Variants in LIPA observed in about 807,000 individuals in gnomAD.
The protein encoded by LIPA is lysosomal acid lipase/cholesteryl ester hydrolase.
Under a neutral mutation model 40.6 loss-of-function variants are expected in LIPA, and 26 were observed. The ratio of observed to expected loss-of-function variants is 0.64; its 90% CI spans 0.47 to 0.89. LIPA has a LOEUF of 0.89. LIPA is among the 40% of genes least tolerant of loss of function. LIPA has a pLI of 0.00. For synonymous variants in LIPA, 188 were observed against 168.4 expected (o/e 1.12, Z -0.90); for missense variants, 455 against 479.6 (o/e 0.95, Z 0.48).
chr10:89,344,088 A>G (rs1843895865), upstream of LIPA, among the ~76,000 whole-genome samples: 1 of 152,238 alleles, frequency 6.6e-6, no homozygotes, highest in Admixed American at 6.5e-5. Context: ...ACCTGGGAAT[A>G]ATAAATTATA....
intron 1 of LIPA, among the ~76,000 whole-genome samples, chr10:89,261,766 A>C (rs1294173502): frequency 6.6e-6 from 1 of 152,182 alleles, no homozygotes; most frequent in Admixed American, 6.5e-5. Flanking sequence ...AGACCTGTGC[A>C]TCTAACACTA....
intron 1 of LIPA, among the ~76,000 whole-genome samples, chr10:89,341,988 G>A (rs1843875384): frequency 6.6e-6 from 1 of 152,178 alleles, no homozygotes; most frequent in Admixed American, 6.5e-5. Context: ...CTGAGGTAAT[G>A]CATATGTTAA....
intron 2 of LIPA, chr10:89,403,458 G>C: frequency 6.2e-7 from 1 of 1,613,614 alleles, no homozygotes; most frequent in Non-Finnish European, 8.5e-7. Context: ...AAAGAAATCT[G>C]ACGTCAATGC....
At chr10:89,306,288 C>T in intron 1 of LIPA, 1 of 1,614,118 alleles carries the variant, frequency 6.2e-7, no homozygotes, top group Non-Finnish European at 8.5e-7. Flanking sequence ...GGCCGACTCT[C>T]AGACGTTCAG....
At chr10:89,339,306 G>T in intron 1 of LIPA, 1 of 1,613,812 alleles carries the variant, frequency 6.2e-7, no homozygotes, top group Non-Finnish European at 8.5e-7. Flanking sequence ...GCCTGAAACT[G>T]CAGAAGATGA....
rs142840336 is a variant in LIPA at position 89,270,819 on chromosome 10, G to A, written c.-1-23170C>T. On this transcript the variant is annotated intron_variant, in intron 1 of 5. Coordinates refer to the LIPA transcript ENST00000282673. Reference sequence around the variant, plus strand: ...GGGAGGCTCTATGGCACCTTTAGCAGGTAAATCACAGAAGATACCCTTAGG... The same window carrying A: ...GGGAGGCTCTATGGCACCTTTAGCAAGTAAATCACAGAAGATACCCTTAGG... Among the ~76,000 whole-genome samples, 387 of 152,304 alleles carry A rather than the reference G, an allele frequency of 2.5e-3. 2 individuals carry two copies. Among genetic ancestry groups the A allele is most frequent in the Non-Finnish European group, 4.3e-3 (290 of 68,024 alleles).
intron 9 of LIPA, 54 bp from the exon 10 acceptor site, chr10:89,215,115 C>A (rs938749075): frequency 7.7e-7 from 1 of 1,304,734 alleles, no homozygotes; most frequent in African/African-American, 1.5e-5. Context: ...TTTTAATTTT[C>A]AAAATCACAA....
rs748422292 is a variant in LIPA, at chr10:89,338,781, T to G, written c.-2+3830A>C. 3.1e-5 allele frequency: 50 copies of G among 1,613,976 alleles called. No individual in the cohort carries two copies. The highest frequency in any genetic ancestry group is 5.0e-5 in the Admixed American group (3 of 60,004). ...TAGAAGATAGAGTGTGTAACCAGATTGAATTTTTAAACACTGAGTTCAAAG... is the reference window on the plus strand; with the variant it reads ...TAGAAGATAGAGTGTGTAACCAGATGGAATTTTTAAACACTGAGTTCAAAG... On this transcript the variant is annotated intron_variant, in intron 1 of 5. Transcript: ENST00000282673.
intron 1 of LIPA, among the ~76,000 whole-genome samples, chr10:89,413,784 C>CAAAAA (rs1564815971): frequency 3.5e-4 from 27 of 76,204 alleles, no homozygotes; most frequent in Admixed American, 9.5e-4. Context: ...AAAAAAAAAC[C>CAAAAA]AAAATCAATG....
intron 2 of LIPA, among the ~76,000 whole-genome samples, chr10:89,408,723 C>G (rs1461915036): frequency 6.6e-6 from 1 of 152,220 alleles, no homozygotes; most frequent in Admixed American, 6.5e-5. Context: ...TTCCATCTCA[C>G]TTAGAGAGAT....
chr10:89,335,952 G>A (rs1467363766), intron 1 of LIPA, among the ~76,000 whole-genome samples: 1 of 152,066 alleles, frequency 6.6e-6, no homozygotes, highest in East Asian at 1.9e-4. Flanking sequence ...TTCATACAGG[G>A]TAGTTAGAAT....
At chr10:89,357,847 T>C (rs1160778917) in intron 2 of LIPA, among the ~76,000 whole-genome samples, 3 of 152,230 alleles carry the variant, frequency 2.0e-5, no homozygotes, top group Non-Finnish European at 4.4e-5. Context: ...AGATTTATCT[T>C]TTCAACAGAT....
intron 1 of LIPA, among the ~76,000 whole-genome samples, chr10:89,290,140 C>G (rs943374295): frequency 1.3e-5 from 2 of 152,154 alleles, no homozygotes; most frequent in Admixed American, 1.3e-4. Flanking sequence ...ACACTAAACC[C>G]TCTTGGACCC....
At chr10:89,402,788 C>G (rs1844454003) in intron 2 of LIPA, 4 of 1,614,162 alleles carry the variant, frequency 2.5e-6, no homozygotes, top group Non-Finnish European at 3.4e-6. Context: ...TTGAAGTGGA[C>G]CCTGAAAACC....
At position 89,358,801 on chromosome 10, in the gene LIPA, G is replaced by A. The variant is rs149836082; in HGVS notation, c.61+53990C>T. 4.8e-3 allele frequency among the ~76,000 whole-genome samples: 728 copies of A among 152,178 alleles called. 2 individuals are homozygous for A. The highest frequency in any genetic ancestry group is 0.017 in the African/African-American group (697 of 41,512). On this transcript the variant is annotated intron_variant, in intron 2 of 8. Coordinates refer to the LIPA transcript ENST00000371837. ...GGTAGAGGGGAGGGAAGATAAAGAG[G>A]GGTTTGTTAATGGGCACAAAAATGT...
chr10:89,307,198 A>C, intron 1 of LIPA: 3 of 1,614,012 alleles, frequency 1.9e-6, no homozygotes, highest in Non-Finnish European at 1.7e-6. Flanking sequence ...TGAAAGACAA[A>C]CTGCAAAAAA....
chr10:89,393,057 A>G (rs1844281102), intron 2 of LIPA: 1 of 988,934 alleles, frequency 1.0e-6, no homozygotes, highest in African/African-American at 1.7e-5. Flanking sequence ...TCTGTCTGAT[A>G]TGGGGAAGGA....
chr10:89,386,151 C>G (rs1312354939), intron 2 of LIPA, among the ~76,000 whole-genome samples: 1 of 152,214 alleles, frequency 6.6e-6, no homozygotes, highest in African/African-American at 2.4e-5. Context: ...GAGATCTTCC[C>G]TCCTCAGCCA....
chr10:89,340,150 A>G lies in LIPA; in HGVS notation c.-2+2461T>C, dbSNP rs771967598. On this transcript the variant is annotated intron_variant, in intron 1 of 5. Coordinates refer to the LIPA transcript ENST00000282673. Reference sequence around the variant, plus strand: ...CTGAGACAGAGGAGGAAAACAGAGCATCAGAAGCCTGCAGTGGTGGTTGTG... The same window carrying G: ...CTGAGACAGAGGAGGAAAACAGAGCGTCAGAAGCCTGCAGTGGTGGTTGTG... 17 of 1,553,128 alleles carry G rather than the reference A, an allele frequency of 1.1e-5. No individual in the cohort carries two copies. The South Asian group carries it at 1.7e-4, about 16-fold the overall frequency.
Sources: allele counts gnomAD v4.1 joint callset (sites outside exome capture counted in the v4.1 genomes callset), GRCh38; gene constraint gnomAD v4.1.1; transcripts MANE v1.5; gene names NCBI Gene and HGNC (gene_info 2026-07-23, HGNC 2026-07-21).